The following NLGN1 variants were observed in gnomAD, a reference collection of about 807,000 sequenced individuals.
The protein encoded by NLGN1 is neuroligin 1.
In NLGN1, 12 loss-of-function variants were observed where a neutral mutation model predicts 65.5. That is an observed-to-expected ratio of 0.18 (90% CI 0.12 to 0.30). The LOEUF is 0.30. Among genes scored for constraint, NLGN1 ranks in the 10% least tolerant of loss-of-function variants. The pLI is 1.00. For synonymous variants in NLGN1, 350 were observed against 359.5 expected, an observed-to-expected ratio of 0.97 and a Z score of 0.30; for missense variants, 750 against 1,007.1, an observed-to-expected ratio of 0.74 and a Z score of 3.46.
intron 2 of NLGN1, among the ~76,000 whole-genome samples, chr3:173,461,493 A>C (rs1030981207): frequency 6.6e-6 from 1 of 152,106 alleles, no homozygotes; most frequent in Non-Finnish European, 1.5e-5. Context: ...TATAAAGACT[A>C]TTAACTTACT....
intron 4 of NLGN1, among the ~76,000 whole-genome samples, chr3:174,113,809 G>C (rs945449751): frequency 6.6e-6 from 1 of 152,032 alleles, no homozygotes; most frequent in Non-Finnish European, 1.5e-5. Flanking sequence ...TTAGTTCCTT[G>C]TCAAGTTTTT....
chr3:173,625,695 G>A (rs1322327367), intron 3 of NLGN1, among the ~76,000 whole-genome samples: 5 of 152,060 alleles, frequency 3.3e-5, no homozygotes, highest in African/African-American at 1.2e-4. Context: ...GATATTAACT[G>A]ATAAAATAAT....
intron 4 of NLGN1, among the ~76,000 whole-genome samples, chr3:174,244,920 C>T (rs535185225): frequency 1.5e-4 from 23 of 152,092 alleles, no homozygotes; most frequent in African/African-American, 5.6e-4. Context: ...CCATAGATGT[C>T]GCAGGAATGA....
chr3:174,286,982 T>A (rs1752200426), downstream of NLGN1, among the ~76,000 whole-genome samples: 1 of 151,516 alleles, frequency 6.6e-6, no homozygotes, highest in South Asian at 2.1e-4. Context: ...ACTTTTTGCA[T>A]CCAAATAGTG....
chr3:174,278,939 C>G (rs1471366988), exon 6 of NLGN1: 1 of 1,533,224 alleles, frequency 6.5e-7, no homozygotes, highest in South Asian at 1.3e-5. Context: ...GCAAAATATG[C>G]TAGAATGTTG....
At chr3:174,190,894 A>T (rs1168219079) in intron 4 of NLGN1, among the ~76,000 whole-genome samples, 1 of 152,106 alleles carries the variant, frequency 6.6e-6, no homozygotes, top group African/African-American at 2.4e-5. Flanking sequence ...GATTTTCAAG[A>T]AATCTGTCTT....
At chr3:173,854,045 ATCG>A (rs1727479861) in intron 4 of NLGN1, among the ~76,000 whole-genome samples, 1 of 152,024 alleles carries the variant, frequency 6.6e-6, no homozygotes, top group Non-Finnish European at 1.5e-5. Context: ...AATCTTAAAA[ATCG>A]TAACTAAACT....
intron 4 of NLGN1, among the ~76,000 whole-genome samples, chr3:174,152,358 GTTC>G (rs1724533081): frequency 6.6e-6 from 1 of 151,996 alleles, no homozygotes; most frequent in East Asian, 1.9e-4. Context: ...ACAAACAGAT[GTTC>G]TTAATGTCAA....
intron 2 of NLGN1, among the ~76,000 whole-genome samples, chr3:173,473,125 C>T (rs1725582434): frequency 6.6e-6 from 1 of 152,112 alleles, no homozygotes. Flanking sequence ...TTAGTAACCC[C>T]ACAACAGAAA....
At chr3:174,148,186 G>A (rs540647067) in intron 4 of NLGN1, among the ~76,000 whole-genome samples, 30 of 152,248 alleles carry the variant, frequency 2.0e-4, no homozygotes, top group Middle Eastern at 3.4e-3. Flanking sequence ...ATGTTGCACT[G>A]TTTTTCTGGT....
At position 173,897,478 on chromosome 3, in the gene NLGN1, G is replaced by T. The variant is rs1487159284; in HGVS notation, c.646+89646G>T. On this transcript the variant is annotated intron_variant, in intron 4 of 6. Coordinates refer to ENST00000457714, the Ensembl canonical transcript of NLGN1. ...GCAGTTTTGTAGAACCAGAAATTGAGATCCAAATATGAATAGCTAAGGTTA... is the reference window on the plus strand; with the variant it reads ...GCAGTTTTGTAGAACCAGAAATTGATATCCAAATATGAATAGCTAAGGTTA... 2.6e-5 allele frequency among the ~76,000 whole-genome samples: 4 copies of T among 152,284 alleles called. No homozygotes were observed. The East Asian group carries it at 7.7e-4, about 29-fold the overall frequency.
At chr3:173,878,072 C>G (rs967312038) in intron 4 of NLGN1, among the ~76,000 whole-genome samples, 8 of 151,936 alleles carry the variant, frequency 5.3e-5, no homozygotes, top group Non-Finnish European at 8.8e-5. Flanking sequence ...GACAGAGTCT[C>G]GCTCTGTCAC....
chr3:173,733,485 G>C (rs1488561), intron 3 of NLGN1, among the ~76,000 whole-genome samples: 13,927 of 152,000 alleles, frequency 0.092, 2,152 homozygotes, highest in African/African-American at 0.32. Flanking sequence ...CTGTCAGGGA[G>C]GAAGGATACA....
chr3:173,866,559 A>C (rs1730216473), intron 4 of NLGN1, among the ~76,000 whole-genome samples: 2 of 152,180 alleles, frequency 1.3e-5, no homozygotes, highest in African/African-American at 4.8e-5. Context: ...CTATTTTAGA[A>C]TTGAATTTTT....
intron 4 of NLGN1, among the ~76,000 whole-genome samples, chr3:173,926,333 T>C (rs1397342115): frequency 6.6e-6 from 1 of 152,166 alleles, no homozygotes; most frequent in Non-Finnish European, 1.5e-5. Context: ...CAAAAACGTC[T>C]AAGTCTCCAA....
chr3:173,689,562 C>G lies in NLGN1; in HGVS notation c.493+84471C>G, dbSNP rs533554372. 9.9e-5 allele frequency among the ~76,000 whole-genome samples: 15 copies of G among 152,238 alleles called. No homozygotes were observed. The East Asian group carries it at 2.5e-3, about 26-fold the overall frequency. ...TTCCTGTAGGCACTATTAAATCTGA[C>G]CTTTGTTACCCTAAAGAAGGAGCCA... On this transcript the variant is annotated intron_variant, in intron 3 of 6. Coordinates refer to ENST00000457714, the Ensembl canonical transcript of NLGN1.
At chr3:174,276,829 G>A (rs1750680814) in intron 5 of NLGN1, among the ~76,000 whole-genome samples, 1 of 151,776 alleles carries the variant, frequency 6.6e-6, no homozygotes, top group African/African-American at 2.4e-5. Flanking sequence ...TAAACTTAGT[G>A]TTTCTTTAAT....
chr3:173,792,603 C>T (rs2150370516), intron 3 of NLGN1, among the ~76,000 whole-genome samples: 1 of 152,062 alleles, frequency 6.6e-6, no homozygotes, highest in South Asian at 2.1e-4. Context: ...AGGATGAAGT[C>T]ACTGTTTTGT....
chr3:174,214,851 G>T (rs1737312013), intron 4 of NLGN1, among the ~76,000 whole-genome samples: 1 of 151,982 alleles, frequency 6.6e-6, no homozygotes, highest in Admixed American at 6.6e-5. Flanking sequence ...CCAAGATGCT[G>T]GTTCTTAGGA....
Sources: allele counts gnomAD v4.1 joint callset (sites outside exome capture counted in the v4.1 genomes callset), GRCh38; gene constraint gnomAD v4.1.1; transcripts MANE v1.5; gene names NCBI Gene and HGNC (gene_info 2026-07-23, HGNC 2026-07-21).